Variants in PHLDB2 observed in about 807,000 individuals in gnomAD.
PHLDB2 encodes the protein pleckstrin homology-like domain family B member 2.
PHLDB2 carries 71 observed loss-of-function variants against 123.6 expected under a neutral mutation model. That is an observed-to-expected ratio of 0.57 (90% confidence interval 0.47 to 0.70). PHLDB2 has a LOEUF of 0.70. PHLDB2 is among the 30% of genes least tolerant of loss of function. PHLDB2 has a pLI of 0.00. For missense variants in PHLDB2, 1,446 were observed against 1,519.5 expected, an observed-to-expected ratio of 0.95 and a Z score of 0.80; for synonymous variants, 547 against 541.6, an observed-to-expected ratio of 1.01 and a Z score of -0.14.
chr3:111,839,932 C>A (rs1325093447), intron 1 of PHLDB2, among the ~76,000 whole-genome samples: 2 of 143,712 alleles, frequency 1.4e-5, no homozygotes, highest in African/African-American at 2.6e-5. Flanking sequence ...AAAAGCCCCC[C>A]ACCCCCGCTT....
chr3:111,940,768 A>G (rs1339729465), intron 8 of PHLDB2, 123 bp downstream of exon 8: 4 of 429,760 alleles, frequency 9.3e-6, no homozygotes, highest in Non-Finnish European at 1.3e-5. Flanking sequence ...GAAGATTTTT[A>G]TATACTTTTT....
chr3:111,854,009 A>G (rs1013582872), intron 2 of PHLDB2, among the ~76,000 whole-genome samples: 2 of 152,360 alleles, frequency 1.3e-5, no homozygotes, highest in African/African-American at 4.8e-5. Context: ...AGACTGGGTA[A>G]CTTATAAAGG....
chr3:111,850,011 A>G (rs1028415330), intron 2 of PHLDB2, among the ~76,000 whole-genome samples: 27 of 151,884 alleles, frequency 1.8e-4, no homozygotes, highest in Admixed American at 3.9e-4. Context: ...ACAGGCGCCC[A>G]CCACCACACC....
intron 1 of PHLDB2, among the ~76,000 whole-genome samples, chr3:111,752,444 T>C (rs1309864727): frequency 6.6e-6 from 1 of 152,092 alleles, no homozygotes; most frequent in East Asian, 1.9e-4. Context: ...TTACTTGACA[T>C]TTTAGTACAT....
Position 111,885,139 on chromosome 3 carries a change from T to C in PHLDB2, c.1062T>C (p.Phe354=). The change falls in exon 2 of 18, where the codon TTT becomes TTC. Residue 354 remains phenylalanine (F), a synonymous_variant. Transcript: ENST00000431670. ...ASTSSCASDD[F]DQASYVGTNP... ...CCTCCTCCTGTGCCTCTGATGACTT[T>C]GATCAGGCTTCATATGTGGGGACAA... The C allele has an allele frequency of 1.2e-6, 2 of 1,614,172 alleles. No individual in the cohort carries two copies. The highest frequency in any genetic ancestry group is 1.7e-6 in the Non-Finnish European group (2 of 1,180,030).
chr3:111,945,056 A>G (rs1322689922), intron 8 of PHLDB2, among the ~76,000 whole-genome samples: 1 of 152,220 alleles, frequency 6.6e-6, no homozygotes, highest in Admixed American at 6.5e-5. Context: ...TTATATTGCT[A>G]AGTATGTTTG....
chr3:111,960,376 T>A (rs571647338), intron 12 of PHLDB2, among the ~76,000 whole-genome samples: 3 of 152,354 alleles, frequency 2.0e-5, no homozygotes, highest in African/African-American at 7.2e-5. Flanking sequence ...AAAATACATA[T>A]GTATTTATAA....
chr3:111,809,483 C>G (rs1489749205), intron 1 of PHLDB2, among the ~76,000 whole-genome samples: 1 of 152,224 alleles, frequency 6.6e-6, no homozygotes, highest in Admixed American at 6.5e-5. Flanking sequence ...CCCAGCCTCA[C>G]AAGCCTGATT....
chr3:111,885,234 G>C lies in PHLDB2; in HGVS notation c.1157G>C (p.Gly386Ala). Reference protein sequence around the residue: ...VFATRRNFSCGSVEFDEADLE... With the variant: ...VFATRRNFSCASVEFDEADLE... ...GCGACCAGGAGGAACTTCTCTTGTG[G>C]ATCTGTGGAATTTGATGAGGCAGAT... The change falls in exon 2 of 18, where the codon GGA (glycine) becomes GCA (alanine). Residue 386 changes from glycine (G) to alanine (A), a missense_variant. This residue lies in a region of PHLDB2 where 832 missense variants were observed against 831.9 expected (regional missense o/e 1.00). Coordinates refer to ENST00000431670, the MANE Select transcript of PHLDB2 (RefSeq NM_001134438.2). The C allele has an allele frequency of 1.2e-6, 2 of 1,614,164 alleles. No individual in the cohort carries two copies. Among genetic ancestry groups the C allele is most frequent in the Non-Finnish European group, 1.7e-6 (2 of 1,180,032 alleles).
exon 2 of PHLDB2, chr3:111,845,871 G>A: frequency 1.2e-6 from 2 of 1,614,176 alleles, no homozygotes; most frequent in African/African-American, 2.7e-5. Context: ...AGATCCTGAT[G>A]GAGGAGGAGG....
chr3:111,857,090 G>T (rs1469550873), upstream of PHLDB2, among the ~76,000 whole-genome samples: 1 of 152,098 alleles, frequency 6.6e-6, no homozygotes, highest in Non-Finnish European at 1.5e-5. Context: ...AAGGCCCTGA[G>T]ATAGAACGGA....
intron 1 of PHLDB2, among the ~76,000 whole-genome samples, chr3:111,864,540 T>C (rs899726540): frequency 3.3e-5 from 5 of 152,234 alleles, no homozygotes; most frequent in African/African-American, 1.2e-4. Flanking sequence ...AGCTTTGTGC[T>C]GTATCTGCTT....
intron 3 of PHLDB2, 52 bp downstream of exon 3, chr3:111,913,754 A>G (rs2068012119): frequency 6.8e-7 from 1 of 1,470,202 alleles, no homozygotes; most frequent in South Asian, 1.3e-5. Flanking sequence ...GGCTGTGCAT[A>G]TGCTTTGGCA....
chr3:111,878,095 A>G (rs553481529), intron 1 of PHLDB2, among the ~76,000 whole-genome samples: 1 of 152,326 alleles, frequency 6.6e-6, no homozygotes, highest in South Asian at 2.1e-4. Flanking sequence ...GAAGAAAGTC[A>G]ATGGTAGCTT....
intron 12 of PHLDB2, among the ~76,000 whole-genome samples, chr3:111,960,730 G>C (rs2071354627): frequency 6.6e-6 from 1 of 152,138 alleles, no homozygotes; most frequent in Non-Finnish European, 1.5e-5. Context: ...AAATTCAAAT[G>C]GTCCAGTTGT....
At chr3:111,758,633 A>G (rs2059942724) in intron 1 of PHLDB2, among the ~76,000 whole-genome samples, 1 of 152,012 alleles carries the variant, frequency 6.6e-6, no homozygotes, top group Non-Finnish European at 1.5e-5. Flanking sequence ...ACTGTCTGGC[A>G]CTCCCTAGTG....
intron 2 of PHLDB2, among the ~76,000 whole-genome samples, chr3:111,891,383 G>A (rs2066484666): frequency 6.6e-6 from 1 of 152,038 alleles, no homozygotes; most frequent in Non-Finnish European, 1.5e-5. Context: ...ATTTTCAAAA[G>A]AGCATGAACA....
intron 2 of PHLDB2, among the ~76,000 whole-genome samples, chr3:111,854,113 C>A (rs141877610): frequency 5.2e-4 from 79 of 152,252 alleles, no homozygotes; most frequent in African/African-American, 1.8e-3. Flanking sequence ...CAGACACTTT[C>A]TTCACAGGGC....
At chr3:111,968,769 G>A (rs546861398) in intron 15 of PHLDB2, among the ~76,000 whole-genome samples, 1 of 152,140 alleles carries the variant, frequency 6.6e-6, no homozygotes, top group Non-Finnish European at 1.5e-5. Flanking sequence ...AGTAAAATTT[G>A]TTTATTTTAT....
Sources: gnomAD v4.1 joint callset for allele counts (sites outside exome capture counted in the v4.1 genomes callset) on GRCh38, gnomAD v4.1.1 for gene constraint, gnomAD v4.1.1 regional missense constraint, MANE v1.5 for transcripts, NCBI Gene and HGNC (gene_info 2026-07-23, HGNC 2026-07-21) for gene names.